CD163L1: variants seen among roughly 807,000 people sequenced by gnomAD.
CD163L1 encodes scavenger receptor cysteine-rich type 1 protein M160.
In CD163L1, 124 loss-of-function variants were observed where a neutral mutation model predicts 165.4. The ratio of observed to expected loss-of-function variants is 0.75; its 90% confidence interval spans 0.65 to 0.87. The LOEUF is 0.87. Ranked by LOEUF, CD163L1 falls within the 40% of genes least tolerant of loss-of-function variation. CD163L1 has a pLI of 0.00. For synonymous variants in CD163L1, 585 were observed against 662.2 expected (o/e 0.88, Z 1.79); for missense variants, 1,525 against 1,799.9 (o/e 0.85, Z 2.76).
At position 7,421,530 on chromosome 12, in the gene CD163L1, TACATATAC is replaced by T. The variant is rs1217404445; in HGVS notation, c.766+10878_766+10885del. ...ATACATATACATATATGTACATATATACATATACGTACACATATACATATACATATATG... is the reference window on the plus strand; with the variant it reads ...ATACATATACATATATGTACATATATGTACACATATACATATACATATATG... On this transcript the variant is annotated intron_variant, in intron 4 of 19. Transcript: ENST00000313599. Among the ~76,000 whole-genome samples the T allele has an allele frequency of 2.2e-4, 27 of 121,940 alleles. 1 individual carries two copies. The highest frequency in any genetic ancestry group is 7.7e-4 in the African/African-American group (22 of 28,422). 80.0% of individuals were successfully genotyped at this position (121,940 alleles called of 152,430 possible).
At chr12:7,435,290 T>TA (rs1178450940) in intron 2 of CD163L1, among the ~76,000 whole-genome samples, 7 of 151,860 alleles carry the variant, frequency 4.6e-5, no homozygotes, top group Non-Finnish European at 7.4e-5. Context: ...ATACACTCTA[T>TA]AAAAAGTGAA....
rs776453369 is a variant in CD163L1, at chr12:7,375,776, G to T, written c.2610C>A (p.His870Gln). The change falls in exon 10 of 20, where the codon CAC (histidine) becomes CAA (glutamine). Residue 870 changes from histidine (H) to glutamine (Q), a missense_variant. By Grantham distance (24) the His-to-Gln change is conservative. Transcript: ENST00000313599. ...GTTGAACAATGGGGCATAATGCAAG[G>T]TGAGTTTCACTCCCTTCACACTGGA... Reference protein sequence around the residue: ...EKFQCEGSETHLALCPIVQHP... With the variant: ...EKFQCEGSETQLALCPIVQHP... 1.9e-6 allele frequency: 3 copies of T among 1,614,092 alleles called. No homozygotes were observed. Among genetic ancestry groups the T allele is most frequent in the Non-Finnish European group, 2.5e-6 (3 of 1,180,034 alleles).
chr12:7,431,033 C>T (rs1565816445), intron 4 of CD163L1, among the ~76,000 whole-genome samples: 1 of 152,130 alleles, frequency 6.6e-6, no homozygotes, highest in Non-Finnish European at 1.5e-5. Context: ...AGAGAGGTCA[C>T]TGGGGAGAGG....
Position 7,379,275 on chromosome 12 carries a change from G to A in CD163L1, c.2074C>T (p.Leu692Phe), listed in dbSNP as rs1248036762. ...GCACACCTGCTGCTTCCACCCACAA[G>A]CCTCAGCTCCATATCCGATGCATCT... is the stretch of plus-strand genomic sequence containing the variant. ...CSDASDMELRLVGGSSRCAGK... is the reference protein window; with the variant it reads ...CSDASDMELRFVGGSSRCAGK... The change falls in exon 9 of 20, where the codon CTT becomes TTT. Residue 692 changes from leucine (L) to phenylalanine (F), a missense_variant. Leu to Phe is a conservative substitution (Grantham distance 22, BLOSUM62 0). Coordinates refer to ENST00000313599, the MANE Select transcript of CD163L1 (RefSeq NM_174941.6). 1.9e-6 allele frequency: 3 copies of A among 1,613,942 alleles called. No individual in the cohort carries two copies. The highest frequency in any genetic ancestry group is 1.6e-4 in the Middle Eastern group (1 of 6,062).
intron 1 of CD163L1, among the ~76,000 whole-genome samples, chr12:7,442,825 T>G (rs1948847556): frequency 6.6e-6 from 1 of 152,134 alleles, no homozygotes; most frequent in African/African-American, 2.4e-5. Flanking sequence ...GAGCTAAAGA[T>G]GAACTATAAA....
chr12:7,399,550 GCTTT>G (rs145370735), intron 6 of CD163L1, among the ~76,000 whole-genome samples: 9,984 of 40,410 alleles, frequency 0.25, 1,057 homozygotes, highest in African/African-American at 0.48. Flanking sequence ...TTTCTTTCTT[GCTTT>G]CTTTCTTTCC....
At chr12:7,362,053 T>C (rs1946902942) in intron 18 of CD163L1, among the ~76,000 whole-genome samples, 1 of 150,472 alleles carries the variant, frequency 6.6e-6, no homozygotes, top group Admixed American at 6.7e-5. Flanking sequence ...ATAATATCCC[T>C]AAAGTTCATC....
intron 8 of CD163L1, among the ~76,000 whole-genome samples, chr12:7,392,100 C>T (rs58802482): frequency 2.4e-4 from 37 of 152,310 alleles, no homozygotes; most frequent in African/African-American, 8.7e-4. Context: ...GAACTCTCCA[C>T]AGCAAATCAA....
At chr12:7,377,615 T>G (rs1947296829) in intron 9 of CD163L1, among the ~76,000 whole-genome samples, 1 of 152,212 alleles carries the variant, frequency 6.6e-6, no homozygotes, top group Non-Finnish European at 1.5e-5. Flanking sequence ...ACATAACTAC[T>G]TTTATTAAAT....
At chr12:7,443,389 ATTCT>A (rs1466298936) in intron 1 of CD163L1, among the ~76,000 whole-genome samples, 6 of 152,202 alleles carry the variant, frequency 3.9e-5, no homozygotes, top group Non-Finnish European at 8.8e-5. Flanking sequence ...TCCCTTCGTG[ATTCT>A]TTATTTCCAC....
At chr12:7,333,062 CAGGAAA>C in the CD163L1 span, among the ~76,000 whole-genome samples, 1 of 151,706 alleles carries the variant, frequency 6.6e-6, no homozygotes, top group Non-Finnish European at 1.5e-5. Context: ...CCCATCTCAC[CAGGAAA>C]CACATCTCAC....
At chr12:7,429,434 A>G (rs139592740) in intron 4 of CD163L1, among the ~76,000 whole-genome samples, 3 of 152,234 alleles carry the variant, frequency 2.0e-5, no homozygotes, top group South Asian at 2.1e-4. Flanking sequence ...TACTAAATTT[A>G]TATCTCTAAT....
chr12:7,388,116 A>G (rs1947560793), intron 8 of CD163L1, among the ~76,000 whole-genome samples: 1 of 152,218 alleles, frequency 6.6e-6, no homozygotes, highest in Admixed American at 6.5e-5. Flanking sequence ...ATACATAAAA[A>G]TCAAAGGAAA....
At chr12:7,401,348 AGT>A (rs1275499306) in intron 6 of CD163L1, among the ~76,000 whole-genome samples, 1 of 152,060 alleles carries the variant, frequency 6.6e-6, no homozygotes, top group Non-Finnish European at 1.5e-5. Flanking sequence ...GAAAATATTC[AGT>A]GTTAATATGA....
At chr12:7,358,186 A>G (rs1326642920) in intron 18 of CD163L1, among the ~76,000 whole-genome samples, 1 of 152,130 alleles carries the variant, frequency 6.6e-6, no homozygotes, top group African/African-American at 2.4e-5. Flanking sequence ...ACCACTGTGG[A>G]AATCAGTAAT....
At chr12:7,424,983 T>C (rs1948515509) in intron 4 of CD163L1, among the ~76,000 whole-genome samples, 1 of 152,140 alleles carries the variant, frequency 6.6e-6, no homozygotes, top group African/African-American at 2.4e-5. Context: ...TAGAAAAAAC[T>C]ACGTTAAAAT....
intron 9 of CD163L1, among the ~76,000 whole-genome samples, chr12:7,376,882 T>C (rs750051134): frequency 4.4e-4 from 67 of 152,304 alleles, no homozygotes; most frequent in African/African-American, 1.5e-3. Flanking sequence ...TATTCCTCTA[T>C]AGTTCATCTT....
chr12:7,421,032 T>TATATAC (rs1948345747), intron 4 of CD163L1, among the ~76,000 whole-genome samples: 1 of 111,758 alleles, frequency 8.9e-6, no homozygotes, highest in African/African-American at 4.8e-5. Flanking sequence ...TACATATATA[T>TATATAC]ATACGTGTAT....
At chr12:7,433,797 T>C in intron 2 of CD163L1, 103 bp from the exon 3 acceptor site, 5 of 845,712 alleles carry the variant, frequency 5.9e-6, no homozygotes, top group Non-Finnish European at 8.9e-6. Context: ...TAAATGTTGT[T>C]ATTAGAACTT....
Sources: gnomAD v4.1 joint callset for allele counts (sites outside exome capture counted in the v4.1 genomes callset) on GRCh38, gnomAD v4.1.1 for gene constraint, MANE v1.5 for transcripts, NCBI Gene and HGNC (gene_info 2026-07-23, HGNC 2026-07-21) for gene names.